The following NEGR1 variants were observed in gnomAD, a reference collection of about 807,000 sequenced individuals.
NEGR1 encodes the protein IgLON family member 4.
A neutral mutation model predicts 40.9 loss-of-function variants in NEGR1; 10 were observed. That is an observed-to-expected ratio of 0.24 (90% confidence interval 0.15 to 0.42). NEGR1 has a LOEUF of 0.42. Among genes scored for constraint, NEGR1 ranks in the 10% least tolerant of loss-of-function variants. The pLI, the probability that NEGR1 is intolerant of heterozygous loss-of-function variation, is 1.00. For missense variants in NEGR1, 352 were observed against 438.9 expected, an observed-to-expected ratio of 0.80 and a Z score of 1.77; for synonymous variants, 185 against 166.8, an observed-to-expected ratio of 1.11 and a Z score of -0.84.
At chr1:71,568,756 T>A (rs1648706662) in intron 6 of NEGR1, among the ~76,000 whole-genome samples, 1 of 151,866 alleles carries the variant, frequency 6.6e-6, no homozygotes, top group Non-Finnish European at 1.5e-5. Context: ...TATATATGTG[T>A]TTATGCACAT....
intron 6 of NEGR1, among the ~76,000 whole-genome samples, chr1:71,520,209 A>T (rs1296722376): frequency 6.6e-5 from 10 of 152,030 alleles, no homozygotes; most frequent in Non-Finnish European, 1.5e-5. Context: ...GGTTGTCATG[A>T]TGGTTAACTG....
chr1:72,112,075 A>G (rs1219475503), intron 1 of NEGR1, among the ~76,000 whole-genome samples: 4 of 151,796 alleles, frequency 2.6e-5, no homozygotes, highest in Non-Finnish European at 5.9e-5. Flanking sequence ...AGTGCCTAAG[A>G]AGCTGAGTGA....
intron 6 of NEGR1, among the ~76,000 whole-genome samples, chr1:71,492,489 A>AT (rs11394642): frequency 0.84 from 128,086 of 151,930 alleles, 56,817 homozygotes; most frequent in Non-Finnish European, 0.98. Context: ...GTGTTTATTA[A>AT]TTCACAATCT....
chr1:72,232,506 A>G (rs920566728), intron 1 of NEGR1, among the ~76,000 whole-genome samples: 28 of 152,170 alleles, frequency 1.8e-4, no homozygotes, highest in Admixed American at 5.2e-4. Context: ...TAGCAGAATG[A>G]GCCAAGTTAG....
At chr1:71,556,663 AC>A (rs1448933610) in intron 6 of NEGR1, among the ~76,000 whole-genome samples, 1 of 151,432 alleles carries the variant, frequency 6.6e-6, no homozygotes, top group Non-Finnish European at 1.5e-5. Flanking sequence ...ATACACACAC[AC>A]AAGTCCATGG....
intron 2 of NEGR1, among the ~76,000 whole-genome samples, chr1:71,803,929 A>G (rs904720603): frequency 1.3e-5 from 2 of 152,142 alleles, no homozygotes; most frequent in Admixed American, 1.3e-4. Flanking sequence ...ATTAATGGAA[A>G]TGTATTTATA....
intron 2 of NEGR1, among the ~76,000 whole-genome samples, chr1:71,836,528 G>A (rs1659038313): frequency 6.7e-6 from 1 of 149,914 alleles, no homozygotes; most frequent in South Asian, 2.1e-4. Flanking sequence ...CTTAGCACAG[G>A]TACAGCTTGG....
At chr1:71,572,639 T>C (rs892073285) in intron 6 of NEGR1, among the ~76,000 whole-genome samples, 3 of 152,166 alleles carry the variant, frequency 2.0e-5, no homozygotes, top group Non-Finnish European at 4.4e-5. Flanking sequence ...AGCAGACTTG[T>C]GGGTATATAT....
Position 72,274,998 on chromosome 1 carries a change from G to A in NEGR1, c.176+7321C>T, listed in dbSNP as rs559510683. The A allele has an allele frequency of 3.9e-6, 6 of 1,547,272 alleles. No individual in the cohort carries two copies. In the African/African-American group the frequency reaches 5.4e-5, roughly 14 times the overall value. ...ACATTGCCATAGTTAGTACGACTGT[G>A]GAAACCAAGGAGCCTGAGAAGGAAA... On this transcript the variant is annotated intron_variant, in intron 1 of 6. Coordinates refer to ENST00000357731, the MANE Select transcript of NEGR1 (RefSeq NM_173808.3).
chr1:71,547,806 A>G (rs1483165980), intron 6 of NEGR1, among the ~76,000 whole-genome samples: 1 of 151,684 alleles, frequency 6.6e-6, no homozygotes, highest in African/African-American at 2.4e-5. Context: ...TATTCACATC[A>G]TTGTACTGGG....
chr1:72,215,649 C>T (rs958089267), intron 1 of NEGR1, among the ~76,000 whole-genome samples: 3 of 151,994 alleles, frequency 2.0e-5, no homozygotes, highest in African/African-American at 7.2e-5. Flanking sequence ...CAAATCAAAA[C>T]CACAATGAGA....
chr1:71,635,150 C>G (rs528574863), intron 4 of NEGR1, among the ~76,000 whole-genome samples: 1 of 151,630 alleles, frequency 6.6e-6, no homozygotes, highest in African/African-American at 2.4e-5. Flanking sequence ...ACCCAAAAGA[C>G]AAGTATATAT....
At chr1:71,418,863 A>G (rs1646374391) in intron 6 of NEGR1, among the ~76,000 whole-genome samples, 1 of 152,166 alleles carries the variant, frequency 6.6e-6, no homozygotes, top group African/African-American at 2.4e-5. Context: ...TAACACAGTG[A>G]CTACATATAA....
intron 6 of NEGR1, among the ~76,000 whole-genome samples, chr1:71,523,411 A>T (rs1224353653): frequency 6.6e-6 from 1 of 151,954 alleles, no homozygotes; most frequent in Non-Finnish European, 1.5e-5. Flanking sequence ...ATATTGTAAG[A>T]TTATTTTTGA....
At chr1:71,501,084 T>C (rs950461179) in intron 6 of NEGR1, among the ~76,000 whole-genome samples, 1 of 152,014 alleles carries the variant, frequency 6.6e-6, no homozygotes, top group African/African-American at 2.4e-5. Context: ...AAGATTGACA[T>C]TAATATGCAA....
chr1:71,878,674 A>G (rs898885782), intron 2 of NEGR1, among the ~76,000 whole-genome samples: 4 of 152,196 alleles, frequency 2.6e-5, no homozygotes, highest in African/African-American at 9.7e-5. Flanking sequence ...TGCAGTTACC[A>G]TGACCAAAAA....
chr1:72,171,177 C>G (rs1206209339), intron 1 of NEGR1, among the ~76,000 whole-genome samples: 2 of 152,100 alleles, frequency 1.3e-5, no homozygotes, highest in East Asian at 3.9e-4. Flanking sequence ...TTTCTCTGAG[C>G]TAATTTGATG....
intron 1 of NEGR1, among the ~76,000 whole-genome samples, chr1:72,064,193 A>T (rs1647222349): frequency 6.6e-6 from 1 of 151,954 alleles, no homozygotes; most frequent in African/African-American, 2.4e-5. Context: ...TTTATTTTGT[A>T]GAAAAAAGGA....
At chr1:71,858,571 G>A (rs1256616720) in intron 2 of NEGR1, among the ~76,000 whole-genome samples, 2 of 151,996 alleles carry the variant, frequency 1.3e-5, no homozygotes, top group Non-Finnish European at 2.9e-5. Context: ...AAGGAACTTA[G>A]CTGATATTTT....
Sources: allele counts gnomAD v4.1 joint callset (sites outside exome capture counted in the v4.1 genomes callset), GRCh38; gene constraint gnomAD v4.1.1; transcripts MANE v1.5; gene names NCBI Gene and HGNC (gene_info 2026-07-23, HGNC 2026-07-21).